The following RFC3 variants were observed in gnomAD, a reference collection of about 807,000 sequenced individuals.
The protein encoded by RFC3 is replication factor C subunit 3, also known as A1 38 kDa subunit.
RFC3 carries 41 observed loss-of-function variants against 45.1 expected under a neutral mutation model. That is an observed-to-expected ratio of 0.91 (90% confidence interval 0.71 to 1.18). The LOEUF (loss-of-function observed/expected upper bound fraction) is 1.18. Ranked by LOEUF, RFC3 falls within the 50% of genes most tolerant of loss-of-function variation. The pLI is 0.00. For synonymous variants in RFC3, 149 were observed against 144.0 expected, an observed-to-expected ratio of 1.03 and a Z score of -0.25; for missense variants, 423 against 428.1, an observed-to-expected ratio of 0.99 and a Z score of 0.10.
chr13:33,830,960 G>C, intron 6 of RFC3, 105 bp downstream of exon 6: 3 of 880,848 alleles, frequency 3.4e-6, no homozygotes, highest in Non-Finnish European at 5.2e-6. Flanking sequence ...GGGCAGGGGT[G>C]GGGGATGGTT....
At chr13:33,967,854 T>G (rs1253626492), downstream of RFC3, among the ~76,000 whole-genome samples, 1 of 152,136 alleles carries the variant, frequency 6.6e-6, no homozygotes, top group Non-Finnish European at 1.5e-5. Flanking sequence ...TAACCTTATT[T>G]TATTTTAAAA....
intron 8 of RFC3, among the ~76,000 whole-genome samples, chr13:33,945,097 T>G (rs1306070565): frequency 6.6e-6 from 1 of 152,214 alleles, no homozygotes; most frequent in Non-Finnish European, 1.5e-5. Flanking sequence ...ACTCCTCCCA[T>G]TTCTCTGCCT....
intron 8 of RFC3, among the ~76,000 whole-genome samples, chr13:33,868,487 C>T (rs1443863000): frequency 1.3e-5 from 2 of 152,166 alleles, no homozygotes; most frequent in African/African-American, 4.8e-5. Flanking sequence ...GATTGGTTCC[C>T]TCCTGCAACC....
intron 7 of RFC3, among the ~76,000 whole-genome samples, chr13:33,834,329 T>TATATATATATACATACACATAC (rs1300798923): frequency 1.6e-5 from 2 of 125,106 alleles, no homozygotes; most frequent in African/African-American, 6.8e-5. Context: ...TATATATATA[T>TATATATATATACATACACATAC]ATCTGTACTG....
chr13:33,856,266 A>G (rs1322843729), intron 8 of RFC3, among the ~76,000 whole-genome samples: 7 of 152,166 alleles, frequency 4.6e-5, no homozygotes, highest in Non-Finnish European at 5.9e-5. Flanking sequence ...GTTTTTATTT[A>G]TAAGTGGGAG....
At chr13:33,864,833 A>T (rs1414710767) in intron 8 of RFC3, among the ~76,000 whole-genome samples, 1 of 152,174 alleles carries the variant, frequency 6.6e-6, no homozygotes, top group Admixed American at 6.5e-5. Context: ...GGACAACTCA[A>T]ATATGATTCC....
chr13:33,886,239 T>C (rs2082521808), intron 8 of RFC3, among the ~76,000 whole-genome samples: 1 of 152,094 alleles, frequency 6.6e-6, no homozygotes, highest in Non-Finnish European at 1.5e-5. Flanking sequence ...AACCACTTTT[T>C]TCTAGATTTT....
At chr13:33,934,279 G>A (rs1258365658) in intron 8 of RFC3, among the ~76,000 whole-genome samples, 1 of 152,124 alleles carries the variant, frequency 6.6e-6, no homozygotes, top group East Asian at 1.9e-4. Flanking sequence ...TCTGCAGTGA[G>A]ATGAGATTGT....
At chr13:33,835,885 A>C (rs934909788) in intron 8 of RFC3, among the ~76,000 whole-genome samples, 1 of 152,188 alleles carries the variant, frequency 6.6e-6, no homozygotes. Context: ...AATATTTGGA[A>C]TTTAGAATGT....
At chr13:33,844,639 A>C (rs747595891) in intron 8 of RFC3, among the ~76,000 whole-genome samples, 1 of 152,090 alleles carries the variant, frequency 6.6e-6, no homozygotes, top group African/African-American at 2.4e-5. Context: ...AATTTCAAAA[A>C]CTAACAGAGA....
At chr13:33,968,418 G>A (rs146546563), downstream of RFC3, among the ~76,000 whole-genome samples, 15 of 152,308 alleles carry the variant, frequency 9.8e-5, no homozygotes, top group East Asian at 9.6e-4. Flanking sequence ...GTGCCACCAC[G>A]CCTGGCCCAG....
At chr13:33,840,035 A>C (rs188887658), downstream of RFC3, among the ~76,000 whole-genome samples, 1 of 152,096 alleles carries the variant, frequency 6.6e-6, no homozygotes, top group Non-Finnish European at 1.5e-5. Context: ...AAGATTTCCA[A>C]CTTCTCTTTA....
At chr13:33,846,658 C>T (rs2082239245) in intron 8 of RFC3, 1 of 152,214 alleles carries the variant, frequency 6.6e-6, no homozygotes, top group African/African-American at 2.4e-5. Flanking sequence ...CTGACTCAAG[C>T]ACGGTACAGC....
intron 7 of RFC3, among the ~76,000 whole-genome samples, chr13:33,834,298 G>A (rs1345982229): frequency 9.2e-6 from 1 of 109,206 alleles, no homozygotes; most frequent in Non-Finnish European, 1.7e-5. Flanking sequence ...TGTACTGTGT[G>A]TATATATATA....
At chr13:33,950,902 A>G (rs1231850797) in intron 8 of RFC3, among the ~76,000 whole-genome samples, 2 of 151,990 alleles carry the variant, frequency 1.3e-5, no homozygotes, top group Non-Finnish European at 2.9e-5. Context: ...AGCTCTTCCA[A>G]GGTTTCCACC....
chr13:33,914,586 C>G (rs2082722169), intron 8 of RFC3, among the ~76,000 whole-genome samples: 1 of 151,970 alleles, frequency 6.6e-6, no homozygotes, highest in Non-Finnish European at 1.5e-5. Flanking sequence ...TCCTTGGAAA[C>G]TATGTGGAGA....
At chr13:33,885,298 A>G (rs1264012888) in intron 8 of RFC3, among the ~76,000 whole-genome samples, 1 of 151,606 alleles carries the variant, frequency 6.6e-6, no homozygotes, top group Non-Finnish European at 1.5e-5. Context: ...AACTTGATCT[A>G]ATAGTCAGAG....
chr13:33,820,913 TTA>T (rs34884650), intron 1 of RFC3, among the ~76,000 whole-genome samples: 104,164 of 129,820 alleles, frequency 0.8, 39,791 homozygotes, highest in Non-Finnish European at 0.88. Context: ...ATATATATAT[TTA>T]TATATATATA....
At chr13:33,922,634 G>A (rs189435793) in intron 8 of RFC3, among the ~76,000 whole-genome samples, 1 of 152,138 alleles carries the variant, frequency 6.6e-6, no homozygotes, top group Admixed American at 6.5e-5. Flanking sequence ...AAAACCTTTG[G>A]GAAAAATATG....
Sources: allele counts gnomAD v4.1 joint callset (sites outside exome capture counted in the v4.1 genomes callset), GRCh38; gene constraint gnomAD v4.1.1; transcripts MANE v1.5; gene names NCBI Gene and HGNC (gene_info 2026-07-23, HGNC 2026-07-21).